The following RIOX2 variants were observed in gnomAD, a reference collection of about 807,000 sequenced individuals.
RIOX2 encodes 60S ribosomal protein L27a histidine hydroxylase.
A neutral mutation model predicts 51.2 loss-of-function variants in RIOX2; 43 were observed. The observed-to-expected ratio is 0.84, with a 90% CI of 0.66 to 1.08. RIOX2 has a LOEUF of 1.08. RIOX2 is among the 50% of genes least tolerant of loss of function. The probability of loss-of-function intolerance (pLI) is 0.00; values close to 1 mark genes in which losing one functional copy is unlikely to be tolerated. For synonymous variants in RIOX2, 226 were observed against 218.5 expected, an observed-to-expected ratio of 1.03 and a Z score of -0.30; for missense variants, 566 against 561.7, an observed-to-expected ratio of 1.01 and a Z score of -0.08.
At chr3:97,945,578 AGGCT>A (rs1412574012) in intron 9 of RIOX2, 1 of 606,844 alleles carries the variant, frequency 1.6e-6, no homozygotes, top group African/African-American at 1.9e-5. Context: ...CATTCCTATA[AGGCT>A]ACAGGTCCCA....
chr3:97,942,192 CTA>C lies in RIOX2; in HGVS notation c.*2990_*2991del. ...GATAAGACACACACACACTTCATGT[CTA>C]TGACTTGTTTACCTAAGATAAAAGG... On this transcript the variant is annotated 3_prime_UTR_variant, in exon 10 of 10. Coordinates refer to ENST00000394198, the MANE Select transcript of RIOX2 (RefSeq NM_153182.4). 2 of 1,124,888 alleles carry C rather than the reference CTA, an allele frequency of 1.8e-6. No individual in the cohort carries two copies. Among genetic ancestry groups the C allele is most frequent in the South Asian group, 1.7e-5 (1 of 57,340 alleles). The allele number at this position is 1,124,888 out of a possible 1,614,324, so 69.7% of individuals were successfully genotyped here.
chr3:97,971,906 C>CCA (rs1371526690), intron 1 of RIOX2: 1 of 152,306 alleles, frequency 6.6e-6, no homozygotes, highest in African/African-American at 2.4e-5. Context: ...GCCCTTCTCC[C>CCA]CACACACCTG....
chr3:97,957,040 G>A (rs1705475625), intron 4 of RIOX2, among the ~76,000 whole-genome samples: 1 of 152,168 alleles, frequency 6.6e-6, no homozygotes, highest in Non-Finnish European at 1.5e-5. Flanking sequence ...GTCTGCAGAT[G>A]AACTGCACGG....
rs2040270774 is a variant in RIOX2, at chr3:97,943,210, G to A, written c.*1974C>T. 6.9e-7 allele frequency: 1 copy of A among 1,439,528 alleles called. No individual in the cohort carries two copies. The highest frequency in any genetic ancestry group is 9.7e-7 in the Non-Finnish European group (1 of 1,032,278). The allele number at this position is 1,439,528 out of a possible 1,614,324, so 89.2% of individuals were successfully genotyped here. A position where few individuals can be genotyped will look rare whatever the true frequency, so the allele number is the denominator to read the frequency against. ...GCCTGAACAAATAATCTTTTCTTTT[G>A]GAATTTCTATTTTAGGAGGAAATTA... is the stretch of plus-strand genomic sequence containing the variant. On this transcript the variant is annotated 3_prime_UTR_variant, in exon 10 of 10. Coordinates refer to ENST00000394198, the MANE Select transcript of RIOX2 (RefSeq NM_153182.4).
chr3:97,946,435 TG>T (rs2040359181), intron 8 of RIOX2, among the ~76,000 whole-genome samples: 1 of 151,918 alleles, frequency 6.6e-6, no homozygotes, highest in Admixed American at 6.6e-5. Flanking sequence ...TGCAGTTTAT[TG>T]TCTCTTCCAG....
chr3:97,962,356 A>AG (rs1705712650), intron 2 of RIOX2, among the ~76,000 whole-genome samples: 1 of 70,200 alleles, frequency 1.4e-5, no homozygotes, highest in Non-Finnish European at 2.7e-5. Flanking sequence ...GAATGCTAAG[A>AG]CCCCCCCCCC....
Position 97,954,467 on chromosome 3 carries a change from C to T in RIOX2, c.710G>A (p.Gly237Glu), listed in dbSNP as rs1418080248. The T allele has an allele frequency of 8.7e-6, 14 of 1,613,962 alleles. No individual in the cohort carries two copies. The highest frequency in any genetic ancestry group is 1.2e-5 in the Non-Finnish European group (14 of 1,179,946). Residue 237 changes from glycine (G) to glutamate (E), a missense_variant, in exon 5 of 10, where the codon GGA (glycine) becomes GAA (glutamate). Physicochemically the swap from Gly to Glu is moderately conservative, Grantham distance 98 (BLOSUM62 -2). Coordinates refer to ENST00000394198, the MANE Select transcript of RIOX2 (RefSeq NM_153182.4). ...KPGDLLYFPR[G>E]TIHQADTPAG... The stretch of plus-strand genomic sequence containing the variant: ...AGGAGTGTCCGCTTGATGAATGGTT[C>T]CTCTGGGAAAGTACAACAAATCACC...
intron 1 of RIOX2, 30 bp downstream of exon 1, chr3:97,972,351 C>A (rs1162980722): frequency 6.6e-6 from 1 of 151,906 alleles, no homozygotes; most frequent in African/African-American, 2.4e-5. Flanking sequence ...TGCCCCGGCG[C>A]TGGGATGCCC....
rs1196348462 is a variant in RIOX2, at chr3:97,945,430, T to G, written c.1240-88A>C. On this transcript the variant is annotated intron_variant, in intron 9 of 9. Transcript: ENST00000394198. ...TTCCTGTAAATTTATTCTCCATACA[T>G]CATTATTTTTGATACCCCTCATGAG... 11 of 1,215,782 alleles carry G rather than the reference T, an allele frequency of 9.0e-6. No individual in the cohort carries two copies. The South Asian group carries it at 1.7e-4, about 19-fold the overall frequency. The allele number at this position is 1,215,782 out of a possible 1,614,324, so 75.3% of individuals were successfully genotyped here.
At chr3:97,956,948 G>A (rs1047239755) in intron 4 of RIOX2, among the ~76,000 whole-genome samples, 1 of 152,226 alleles carries the variant, frequency 6.6e-6, no homozygotes, top group African/African-American at 2.4e-5. Context: ...GACAGCAGCT[G>A]AATTCAAACT....
chr3:97,962,488 A>G (rs1346704413), intron 2 of RIOX2, among the ~76,000 whole-genome samples: 1 of 151,760 alleles, frequency 6.6e-6, no homozygotes, highest in Non-Finnish European at 1.5e-5. Context: ...AACAGAAATG[A>G]TAACACGGGA....
intron 5 of RIOX2, among the ~76,000 whole-genome samples, chr3:97,953,100 G>C (rs1319393375): frequency 1.3e-5 from 2 of 152,122 alleles, no homozygotes; most frequent in Admixed American, 1.3e-4. Flanking sequence ...CTCCTACTCT[G>C]ATCTGCTGAC....
Position 97,960,271 on chromosome 3 carries a change from C to A in RIOX2, c.553-1092G>T, listed in dbSNP as rs577835328. Among the ~76,000 whole-genome samples, 5 of 152,266 alleles carry A rather than the reference C, an allele frequency of 3.3e-5. No individual in the cohort carries two copies. In the South Asian group the frequency reaches 1.0e-3, roughly 32 times the overall value. On this transcript the variant is annotated intron_variant, in intron 3 of 9. Coordinates refer to ENST00000394198, the MANE Select transcript of RIOX2 (RefSeq NM_153182.4). ...ATTAAGGCCTGCAGCTGTGGCTACC[C>A]ACCATTTCAGATGGACGATTCAGCT...
chr3:97,954,535 T>C, intron 4 of RIOX2, 40 bp from the exon 5 acceptor site: 1 of 1,512,454 alleles, frequency 6.6e-7, no homozygotes, highest in Non-Finnish European at 9.2e-7. Flanking sequence ...AGTTAATAAG[T>C]ATTCCTTCTC....
chr3:97,961,610 C>A lies in RIOX2; in HGVS notation c.531G>T (p.Pro177=), dbSNP rs761343426. The A allele has an allele frequency of 6.2e-6, 10 of 1,604,478 alleles. No homozygotes were observed. The South Asian group carries it at 1.1e-4, about 18-fold the overall frequency. ...TTACCTCGACATCATCATAATGGGG[C>A]GGCAGGCCCTGAGATCCTGCGGGAG... ...YITPAGSQGL[P]PHYDDVEVFI... Residue 177 remains proline (P), a synonymous_variant, in exon 3 of 10, where the codon CCG becomes CCT. Transcript: ENST00000394198.
At position 97,967,248 on chromosome 3, in the gene RIOX2, C is replaced by T; in HGVS notation, c.346G>A (p.Asp116Asn). The T allele has an allele frequency of 1.2e-6, 2 of 1,614,168 alleles. No homozygotes were observed. Among genetic ancestry groups the T allele is most frequent in the Non-Finnish European group, 1.7e-6 (2 of 1,180,038 alleles). ...VNGKKKVLNK[D>N]GKAHFLQLRK... Reference sequence around the variant, plus strand: ...AGCTGAAGAAAGTGTGCTTTGCCATCTTTATTTAAAACCTTCTTCTTCCCA... The same window carrying T: ...AGCTGAAGAAAGTGTGCTTTGCCATTTTTATTTAAAACCTTCTTCTTCCCA... Residue 116 changes from aspartate to asparagine, a missense_variant, in exon 2 of 10, where the codon GAT becomes AAT. By Grantham distance (23) the Asp-to-Asn change is conservative (BLOSUM62 1). Coordinates refer to ENST00000394198, the MANE Select transcript of RIOX2 (RefSeq NM_153182.4).
At chr3:97,959,758 T>C (rs1294176945) in intron 3 of RIOX2, among the ~76,000 whole-genome samples, 1 of 152,080 alleles carries the variant, frequency 6.6e-6, no homozygotes, top group African/African-American at 2.4e-5. Context: ...ATGCATCAAA[T>C]ATAAAAACAT....
At chr3:97,968,740 G>A (rs953923829) in intron 1 of RIOX2, among the ~76,000 whole-genome samples, 3 of 152,134 alleles carry the variant, frequency 2.0e-5, no homozygotes, top group African/African-American at 7.2e-5. Flanking sequence ...TTCCCTCTGG[G>A]AAGGGACTCC....
Position 97,944,995 on chromosome 3 carries a change from T to A in RIOX2, c.*189A>T. On this transcript the variant is annotated 3_prime_UTR_variant, in exon 10 of 10. Coordinates refer to ENST00000394198, the MANE Select transcript of RIOX2 (RefSeq NM_153182.4). ...TGTCATTTTCTGAGACACTTGGTAA[T>A]TTGCTGTTCTTTCTTTCATGTGCCC... The A allele has an allele frequency of 2.3e-6, 1 of 429,360 alleles. No homozygotes were observed. Among genetic ancestry groups the A allele is most frequent in the East Asian group, 3.6e-5 (1 of 27,974 alleles). 26.6% of individuals were successfully genotyped at this position (429,360 alleles called of 1,614,324 possible).
Sources: gnomAD v4.1 joint callset for allele counts (sites outside exome capture counted in the v4.1 genomes callset) on GRCh38, gnomAD v4.1.1 for gene constraint, MANE v1.5 for transcripts, NCBI Gene and HGNC (gene_info 2026-07-23, HGNC 2026-07-21) for gene names.